Variants in ANKRD31 observed in about 807,000 individuals in gnomAD.
The protein encoded by ANKRD31 is ankyrin repeat domain 31.
In ANKRD31, 147 loss-of-function variants were observed where a neutral mutation model predicts 186.0. The ratio of observed to expected loss-of-function variants is 0.79; its 90% CI spans 0.69 to 0.91. The LOEUF (loss-of-function observed/expected upper bound fraction) is 0.91. Among genes scored for constraint, ANKRD31 ranks in the 40% least tolerant of loss-of-function variants. The pLI, the probability that ANKRD31 is intolerant of heterozygous loss-of-function variation, is 0.00. For synonymous variants in ANKRD31, 673 were observed against 736.4 expected, an observed-to-expected ratio of 0.91 and a Z score of 1.39; for missense variants, 1,986 against 2,148.8, an observed-to-expected ratio of 0.92 and a Z score of 1.50.
In ANKRD31 at chr5:75,232,355, C is replaced by T. The variant is rs142494469; in HGVS notation, c.105-1720G>A. Among the ~76,000 whole-genome samples, 1,276 of 152,258 alleles carry T rather than the reference C, an allele frequency of 8.4e-3. 31 individuals are homozygous for T. Among genetic ancestry groups the T allele is most frequent in the African/African-American group, 0.029 (1,185 of 41,550 alleles). Reference sequence around the variant, plus strand: ...CTCAGCTCACTACAACCTCCACCGCCCAGGTTCAAGTGATCCTCCTGCCTC... The same window carrying T: ...CTCAGCTCACTACAACCTCCACCGCTCAGGTTCAAGTGATCCTCCTGCCTC... On this transcript the variant is annotated intron_variant, in intron 1 of 25. Coordinates refer to ENST00000506364, the MANE Select transcript of ANKRD31 (RefSeq NM_001372053.1).
Position 75,193,507 on chromosome 5 carries a change from T to G in ANKRD31, c.1102A>C (p.Asn368His). ...GAGCTATTTGTCACTGAATTTGAAT[T>G]TCTCTTATTACTTAGTGGCTCACAA... ...TSCEPLSNKR[N>H]SNSVTNSSDQ... Residue 368 changes from asparagine to histidine, a missense_variant, in exon 8 of 26, where the codon AAT becomes CAT. Physicochemically the swap from Asn to His is moderately conservative, Grantham distance 68. Coordinates refer to ENST00000506364, the MANE Select transcript of ANKRD31 (RefSeq NM_001372053.1). 1 of 1,537,172 alleles carries G rather than the reference T, an allele frequency of 6.5e-7. No homozygotes were observed. Among genetic ancestry groups the G allele is most frequent in the South Asian group, 1.2e-5 (1 of 84,060 alleles).
At chr5:75,185,873 A>G (rs1157239346) in intron 10 of ANKRD31, among the ~76,000 whole-genome samples, 1 of 151,948 alleles carries the variant, frequency 6.6e-6, no homozygotes, top group Non-Finnish European at 1.5e-5. Flanking sequence ...TGTATCCATT[A>G]AAAGTAAAAA....
In ANKRD31 at chr5:75,230,605, T is replaced by C; in HGVS notation, c.135A>G (p.Lys45=). 6.5e-7 allele frequency: 1 copy of C among 1,537,014 alleles called. No homozygotes were observed. Among genetic ancestry groups the C allele is most frequent in the Non-Finnish European group, 8.7e-7 (1 of 1,146,786 alleles). The change falls in exon 2 of 26, where the codon AAA becomes AAG. Residue 45 remains lysine, a synonymous_variant. Transcript: ENST00000506364. ...TATCAGGATGCAGACTGAACTCAGA[T>C]TTAAGAGATGCGTCTTGATCAAACA... ...RLLFDQDASL[K]SEFSLHPDTR...
intron 17 of ANKRD31, among the ~76,000 whole-genome samples, chr5:75,132,399 A>G (rs1452395576): frequency 6.6e-6 from 1 of 152,224 alleles, no homozygotes; most frequent in Non-Finnish European, 1.5e-5. Flanking sequence ...CATTCGATCA[A>G]CTGGAAAAAG....
intron 11 of ANKRD31, among the ~76,000 whole-genome samples, chr5:75,163,273 A>T (rs925905004): frequency 6.6e-6 from 1 of 152,112 alleles, no homozygotes; most frequent in Admixed American, 6.6e-5. Flanking sequence ...GGCCTTTTTG[A>T]CACTTTCAAT....
intron 23 of ANKRD31, among the ~76,000 whole-genome samples, chr5:75,084,680 G>A (rs1332459512): frequency 6.6e-6 from 1 of 152,164 alleles, no homozygotes; most frequent in Admixed American, 6.5e-5. Context: ...AGAAAAAAAT[G>A]TGTTGACCCT....
intron 3 of ANKRD31, among the ~76,000 whole-genome samples, chr5:75,219,830 C>A (rs774635912): frequency 6.6e-6 from 1 of 152,114 alleles, no homozygotes; most frequent in Admixed American, 6.6e-5. Context: ...CCCAGAAATA[C>A]AGCTACACAT....
chr5:75,115,630 T>C (rs1748169600), intron 19 of ANKRD31, among the ~76,000 whole-genome samples: 4 of 152,210 alleles, frequency 2.6e-5, no homozygotes, highest in South Asian at 2.1e-4. Context: ...AAAGAAGACA[T>C]TTATGCAGAC....
intron 2 of ANKRD31, among the ~76,000 whole-genome samples, chr5:75,226,115 A>G (rs1322830657): frequency 3.9e-5 from 6 of 152,182 alleles, no homozygotes; most frequent in Admixed American, 3.3e-4. Context: ...ACTGTGTCTC[A>G]TGGTTTGAGT....
intron 10 of ANKRD31, among the ~76,000 whole-genome samples, chr5:75,174,759 G>C (rs1426091657): frequency 6.6e-6 from 1 of 152,166 alleles, no homozygotes; most frequent in African/African-American, 2.4e-5. Context: ...GGAGAAATAG[G>C]AACGCTTTTA....
chr5:75,119,515 G>T (rs577299658), intron 17 of ANKRD31, among the ~76,000 whole-genome samples: 1 of 152,258 alleles, frequency 6.6e-6, no homozygotes, highest in Admixed American at 6.5e-5. Flanking sequence ...GTCACCTTGG[G>T]TGATTTAATG....
intron 17 of ANKRD31, among the ~76,000 whole-genome samples, chr5:75,127,417 A>G (rs1401824310): frequency 3.3e-5 from 5 of 152,126 alleles, no homozygotes; most frequent in South Asian, 2.1e-4. Flanking sequence ...GAGACATCCT[A>G]AAAGTACAGG....
At chr5:75,091,226 A>C (rs1443909723) in intron 23 of ANKRD31, 35 bp downstream of exon 23, 5 of 1,497,038 alleles carry the variant, frequency 3.3e-6, no homozygotes, top group Non-Finnish European at 4.4e-6. Flanking sequence ...TTCCATTTGA[A>C]TATGAAGTTA....
chr5:75,199,941 C>T (rs1487261652), intron 5 of ANKRD31, among the ~76,000 whole-genome samples: 1 of 152,128 alleles, frequency 6.6e-6, no homozygotes, highest in African/African-American at 2.4e-5. Context: ...ACCAAGAACT[C>T]TATTTTGGCT....
rs1376214186 is a variant in ANKRD31, at chr5:75,118,221, G to T, written c.3953C>A (p.Ala1318Glu). 29 of 1,528,652 alleles carry T rather than the reference G, an allele frequency of 1.9e-5. No homozygotes were observed. The highest frequency in any genetic ancestry group is 2.5e-5 in the East Asian group (1 of 40,622). 94.7% of individuals were successfully genotyped at this position (1,528,652 alleles called of 1,614,324 possible). ...DQKQKSALDE[A>E]DDEKMKELLR... ...TAATTCTTTCATTTTTTCATCATCTGCTTCATCCAAAGCACTCTTCTGTTT... is the reference window on the plus strand; with the variant it reads ...TAATTCTTTCATTTTTTCATCATCTTCTTCATCCAAAGCACTCTTCTGTTT... The change falls in exon 18 of 26, where the codon GCA (alanine) becomes GAA (glutamate). Residue 1318 changes from alanine to glutamate, a missense_variant. Transcript: ENST00000506364.
intron 12 of ANKRD31, among the ~76,000 whole-genome samples, chr5:75,152,415 A>G (rs1751901758): frequency 6.6e-6 from 1 of 152,030 alleles, no homozygotes; most frequent in Non-Finnish European, 1.5e-5. Context: ...CTTCATGGTG[A>G]GAAGGATTTT....
chr5:75,229,226 G>A (rs1335343137), intron 2 of ANKRD31, among the ~76,000 whole-genome samples: 2 of 152,160 alleles, frequency 1.3e-5, no homozygotes, highest in African/African-American at 2.4e-5. Context: ...TGGTGAATTG[G>A]TAGAAGAAAG....
chr5:75,095,650 C>G (rs1488140317), intron 22 of ANKRD31, among the ~76,000 whole-genome samples: 1 of 152,116 alleles, frequency 6.6e-6, no homozygotes, highest in Non-Finnish European at 1.5e-5. Context: ...TGGTAGAAAT[C>G]TAGGTTATCA....
intron 17 of ANKRD31, among the ~76,000 whole-genome samples, chr5:75,122,811 A>C (rs528011064): frequency 6.6e-6 from 1 of 152,278 alleles, no homozygotes; most frequent in Admixed American, 6.5e-5. Flanking sequence ...ATATGCAACA[A>C]ACTTATGGCC....
Sources: allele counts gnomAD v4.1 joint callset (sites outside exome capture counted in the v4.1 genomes callset), GRCh38; gene constraint gnomAD v4.1.1; transcripts MANE v1.5; gene names NCBI Gene and HGNC (gene_info 2026-07-23, HGNC 2026-07-21).